The following MIPOL1 variants were observed in gnomAD, a reference collection of about 807,000 sequenced individuals.
MIPOL1 encodes mirror-image polydactyly gene 1 protein.
Under a neutral mutation model 60.9 loss-of-function variants are expected in MIPOL1, and 57 were observed. That is an observed-to-expected ratio of 0.94 (90% CI 0.76 to 1.17). The LOEUF (loss-of-function observed/expected upper bound fraction) is 1.17. MIPOL1 is among the 50% of genes most tolerant of loss of function. The probability of loss-of-function intolerance (pLI) is 0.00; values close to 1 mark genes in which losing one functional copy is unlikely to be tolerated. For missense variants in MIPOL1, 551 were observed against 511.6 expected (o/e 1.08, Z -0.74); for synonymous variants, 179 against 168.8 (o/e 1.06, Z -0.47).
intron 1 of MIPOL1, among the ~76,000 whole-genome samples, chr14:37,230,520 G>A (rs1228669304): frequency 1.3e-5 from 2 of 152,138 alleles, no homozygotes; most frequent in African/African-American, 4.8e-5. Flanking sequence ...TGAATACTAA[G>A]TTTTTCCTTG....
intron 5 of MIPOL1, among the ~76,000 whole-genome samples, chr14:37,269,428 TA>T (rs942404977): frequency 6.6e-6 from 1 of 152,146 alleles, no homozygotes; most frequent in African/African-American, 2.4e-5. Context: ...TTTAATATTC[TA>T]GTTGTGTAAC....
At chr14:37,423,602 A>G (rs1377063980) in intron 11 of MIPOL1, 1 of 152,014 alleles carries the variant, frequency 6.6e-6, no homozygotes, top group Non-Finnish European at 1.5e-5. Context: ...ATCATGGTAG[A>G]AAACATTGAA....
intron 7 of MIPOL1, among the ~76,000 whole-genome samples, chr14:37,299,317 A>T (rs1384733951): frequency 6.6e-6 from 1 of 152,120 alleles, no homozygotes. Context: ...GCGGGATAGC[A>T]TTAGGAGATA....
At chr14:37,324,954 T>C (rs538251307) in intron 9 of MIPOL1, among the ~76,000 whole-genome samples, 14 of 152,268 alleles carry the variant, frequency 9.2e-5, no homozygotes, top group Non-Finnish European at 2.1e-4. Flanking sequence ...TGTAAATTTC[T>C]AAGACAACCA....
At chr14:37,372,127 T>C (rs1477212623) in intron 10 of MIPOL1, among the ~76,000 whole-genome samples, 2 of 152,086 alleles carry the variant, frequency 1.3e-5, no homozygotes, top group South Asian at 2.1e-4. Flanking sequence ...AAATTCAACT[T>C]GAGTAGGGTA....
At chr14:37,480,481 C>A (rs1221196074) in intron 11 of MIPOL1, among the ~76,000 whole-genome samples, 1 of 151,238 alleles carries the variant, frequency 6.6e-6, no homozygotes, top group Non-Finnish European at 1.5e-5. Flanking sequence ...CAGAAAAAAA[C>A]ATTTGACAAA....
chr14:37,226,329 A>T (rs1456195187), intron 1 of MIPOL1, among the ~76,000 whole-genome samples: 1 of 152,208 alleles, frequency 6.6e-6, no homozygotes, highest in Non-Finnish European at 1.5e-5. Flanking sequence ...CAATTTACAA[A>T]AGAAAGAGGT....
chr14:37,293,817 C>A (rs28788476), intron 7 of MIPOL1, among the ~76,000 whole-genome samples: 2 of 152,178 alleles, frequency 1.3e-5, no homozygotes. Context: ...CTGGGAAGCT[C>A]GAACTGGGTG....
At chr14:37,200,165 C>T (rs879747192) in intron 1 of MIPOL1, among the ~76,000 whole-genome samples, 2 of 152,178 alleles carry the variant, frequency 1.3e-5, no homozygotes, top group Non-Finnish European at 2.9e-5. Flanking sequence ...GCAGCCCTCG[C>T]TTTGTAGAGT....
intron 12 of MIPOL1, among the ~76,000 whole-genome samples, chr14:37,540,796 A>G (rs933941109): frequency 1.3e-5 from 2 of 152,236 alleles, no homozygotes; most frequent in African/African-American, 4.8e-5. Context: ...ACTAGACACC[A>G]GCCTTTCTCC....
At chr14:37,465,359 A>G (rs1020785099) in intron 11 of MIPOL1, among the ~76,000 whole-genome samples, 18 of 152,110 alleles carry the variant, frequency 1.2e-4, no homozygotes, top group African/African-American at 4.3e-4. Flanking sequence ...CTAACTTAAT[A>G]TGTCACTAAT....
At chr14:37,297,339 G>A (rs867596573) in intron 7 of MIPOL1, among the ~76,000 whole-genome samples, 1 of 152,148 alleles carries the variant, frequency 6.6e-6, no homozygotes, top group African/African-American at 2.4e-5. Context: ...CAAACCCACA[G>A]CCAGTATCAT....
intron 10 of MIPOL1, among the ~76,000 whole-genome samples, chr14:37,384,612 G>A (rs1282035592): frequency 6.6e-6 from 1 of 151,910 alleles, no homozygotes; most frequent in African/African-American, 2.4e-5. Context: ...AATTCTGAGG[G>A]TAGGACTAAA....
chr14:37,474,418 G>T (rs2094736621), intron 11 of MIPOL1, among the ~76,000 whole-genome samples: 1 of 152,100 alleles, frequency 6.6e-6, no homozygotes, highest in South Asian at 2.1e-4. Context: ...CATGGGAGCG[G>T]ATTTTTACCA....
intron 12 of MIPOL1, among the ~76,000 whole-genome samples, chr14:37,509,416 A>G (rs764005495): frequency 1.3e-5 from 2 of 151,904 alleles, no homozygotes; most frequent in Admixed American, 1.3e-4. Flanking sequence ...GGGAGTCACC[A>G]TAGTGTCACA....
At chr14:37,307,923 G>T in intron 7 of MIPOL1, 133 bp from the exon 8 acceptor site, 1 of 701,568 alleles carries the variant, frequency 1.4e-6, no homozygotes, top group Non-Finnish European at 2.5e-6. Flanking sequence ...ACTTTAATAT[G>T]TTCAGTGTCA....
chr14:37,500,056 G>C lies in MIPOL1; in HGVS notation c.1180G>C (p.Ala394Pro). 1 of 1,613,920 alleles carries C rather than the reference G, an allele frequency of 6.2e-7. No individual in the cohort carries two copies. The highest frequency in any genetic ancestry group is 8.5e-7 in the Non-Finnish European group (1 of 1,179,878). Residue 394 changes from alanine (A) to proline (P), a missense_variant, in exon 12 of 13, where the codon GCT (alanine) becomes CCT (proline). Physicochemically the swap from Ala to Pro is conservative, Grantham distance 27. Coordinates refer to ENST00000684589, the MANE Select transcript of MIPOL1 (RefSeq NM_001388067.1). Reference protein sequence around the residue: ...NEELATQLQQALTERANMELQ... With the variant: ...NEELATQLQQPLTERANMELQ... ...GGAACTGGCTACTCAACTGCAACAA[G>C]CTCTGACAGAGCGAGCAAATATGGA...
At chr14:37,239,965 G>A (rs1375717322) in intron 1 of MIPOL1, among the ~76,000 whole-genome samples, 1 of 152,116 alleles carries the variant, frequency 6.6e-6, no homozygotes, top group East Asian at 1.9e-4. Flanking sequence ...ATGCAGCACT[G>A]TCCTTTGGGA....
At chr14:37,482,655 A>G (rs1474414611) in intron 11 of MIPOL1, among the ~76,000 whole-genome samples, 1 of 152,172 alleles carries the variant, frequency 6.6e-6, no homozygotes, top group Non-Finnish European at 1.5e-5. Flanking sequence ...TGAGAACAGC[A>G]CTGGGGAAAC....
Sources: allele counts gnomAD v4.1 joint callset (sites outside exome capture counted in the v4.1 genomes callset), GRCh38; gene constraint gnomAD v4.1.1; transcripts MANE v1.5; gene names NCBI Gene and HGNC (gene_info 2026-07-23, HGNC 2026-07-21).